The following KLF12 variants were observed in gnomAD, a reference collection of about 807,000 sequenced individuals.
KLF12 encodes Krueppel-like factor 12.
A neutral mutation model predicts 37.8 loss-of-function variants in KLF12; 9 were observed. That is an observed-to-expected ratio of 0.24 (90% CI 0.14 to 0.42). KLF12 has a LOEUF of 0.42. Ranked by LOEUF, KLF12 falls within the 10% of genes least tolerant of loss-of-function variation. The pLI is 1.00. For missense variants in KLF12, 411 were observed against 516.0 expected (o/e 0.80, Z 1.97); for synonymous variants, 208 against 202.1 (o/e 1.03, Z -0.25).
chr13:73,963,571 A>G (rs2139475684), intron 2 of KLF12, among the ~76,000 whole-genome samples: 1 of 152,358 alleles, frequency 6.6e-6, no homozygotes. Flanking sequence ...TGTTTTTGGA[A>G]CATCTGTTTA....
chr13:74,266,682 T>C, the KLF12 span, among the ~76,000 whole-genome samples: 1 of 152,160 alleles, frequency 6.6e-6, no homozygotes, highest in Non-Finnish European at 1.5e-5. Context: ...CGTAGATAGA[T>C]AGATAGCTCT....
chr13:73,716,650 C>A (rs551074850), intron 6 of KLF12, among the ~76,000 whole-genome samples: 1 of 152,204 alleles, frequency 6.6e-6, no homozygotes, highest in East Asian at 1.9e-4. Flanking sequence ...TCTACCTATA[C>A]AAATCTGCAT....
chr13:74,041,268 AT>A (rs1472405561), intron 1 of KLF12, among the ~76,000 whole-genome samples: 1 of 152,048 alleles, frequency 6.6e-6, no homozygotes, highest in African/African-American at 2.4e-5. Flanking sequence ...TCCCCACAAT[AT>A]TTTGCACCAT....
rs1422343863 is a variant in KLF12, at chr13:73,899,329, C to T, written c.123+44652G>A. 2.0e-5 allele frequency among the ~76,000 whole-genome samples: 3 copies of T among 152,182 alleles called. No individual in the cohort carries two copies. The South Asian group carries it at 6.2e-4, about 31-fold the overall frequency. On this transcript the variant is annotated intron_variant, in intron 3 of 7. Transcript: ENST00000377669. ...CATTGCTGCCTTCTCTCCCCATATC[C>T]GTCTGTTTCCACCTAATGGAAGGAG...
At chr13:74,113,495 C>T (rs758568049) in intron 1 of KLF12, among the ~76,000 whole-genome samples, 1 of 152,158 alleles carries the variant, frequency 6.6e-6, no homozygotes, top group Non-Finnish European at 1.5e-5. Context: ...TCTACCCTGC[C>T]TGTGCTTTAT....
intron 2 of KLF12, among the ~76,000 whole-genome samples, chr13:73,963,599 G>A (rs1891088264): frequency 6.6e-6 from 1 of 152,132 alleles, no homozygotes. Context: ...TACCTTTTAA[G>A]TTAAAAAGTT....
chr13:73,782,192 A>C (rs986833297), intron 5 of KLF12, among the ~76,000 whole-genome samples: 1 of 152,172 alleles, frequency 6.6e-6, no homozygotes, highest in African/African-American at 2.4e-5. Flanking sequence ...GAGAAATCTA[A>C]TCTTCTATGC....
At chr13:74,266,672 C>T in the KLF12 span, among the ~76,000 whole-genome samples, 10 of 152,096 alleles carry the variant, frequency 6.6e-5, no homozygotes, top group African/African-American at 9.7e-5. Context: ...TGGATAGATA[C>T]GTAGATAGAT....
At chr13:74,157,675 G>A in the KLF12 span, among the ~76,000 whole-genome samples, 4 of 152,296 alleles carry the variant, frequency 2.6e-5, no homozygotes, top group African/African-American at 9.6e-5. Flanking sequence ...ATGTACCCCA[G>A]ACCAGTCATT....
intron 1 of KLF12, among the ~76,000 whole-genome samples, chr13:74,057,179 A>G (rs1372653007): frequency 6.6e-6 from 1 of 152,198 alleles, no homozygotes; most frequent in Admixed American, 6.5e-5. Context: ...TGTTGCCCTT[A>G]TCTTCATTAT....
At chr13:73,996,477 A>G (rs1470090909) in intron 1 of KLF12, among the ~76,000 whole-genome samples, 1 of 152,230 alleles carries the variant, frequency 6.6e-6, no homozygotes, top group South Asian at 2.1e-4. Flanking sequence ...AACCTGGCTC[A>G]TTATTTTTCA....
At chr13:74,281,476 G>A in the KLF12 span, among the ~76,000 whole-genome samples, 1 of 152,162 alleles carries the variant, frequency 6.6e-6, no homozygotes, top group African/African-American at 2.4e-5. Flanking sequence ...AAGAAAACCA[G>A]TTCTTAGAGA....
At chr13:74,080,470 T>C (rs1353012754) in intron 1 of KLF12, among the ~76,000 whole-genome samples, 1 of 151,572 alleles carries the variant, frequency 6.6e-6, no homozygotes, top group Non-Finnish European at 1.5e-5. Context: ...ACTGTGAATA[T>C]ATAATACTTA....
chr13:74,009,521 CTG>C (rs1425075047), intron 1 of KLF12, among the ~76,000 whole-genome samples: 1 of 152,138 alleles, frequency 6.6e-6, no homozygotes, highest in Non-Finnish European at 1.5e-5. Context: ...AGCTTCTGGT[CTG>C]TGAGCTAGAT....
chr13:73,788,330 A>G (rs545142931), intron 5 of KLF12, among the ~76,000 whole-genome samples: 3 of 152,356 alleles, frequency 2.0e-5, no homozygotes, highest in African/African-American at 7.2e-5. Flanking sequence ...AGTTTGCTCT[A>G]GCTCAAGCCA....
chr13:74,012,777 A>C (rs1892583735), intron 1 of KLF12, among the ~76,000 whole-genome samples: 1 of 152,194 alleles, frequency 6.6e-6, no homozygotes, highest in South Asian at 2.1e-4. Context: ...ATTTTGCAGT[A>C]CTTCAGTTCC....
rs145757228 is a variant in KLF12, at chr13:73,697,717, T to C, written c.1028-2046A>G. On this transcript the variant is annotated intron_variant, in intron 7 of 7. Coordinates refer to ENST00000377669, the MANE Select transcript of KLF12 (RefSeq NM_007249.5). ...TGGTCACCGAGAGCCATTTCTTAGC[T>C]ATTTCCTGTGTTGCTATGGAACCAG... 5.3e-5 allele frequency among the ~76,000 whole-genome samples: 8 copies of C among 152,296 alleles called. No homozygotes were observed. In the East Asian group the frequency reaches 1.3e-3, roughly 26 times the overall value.
the KLF12 span, among the ~76,000 whole-genome samples, chr13:74,242,712 G>C: frequency 1.3e-5 from 2 of 152,180 alleles, no homozygotes; most frequent in East Asian, 3.9e-4. Flanking sequence ...GTAGGTGTAG[G>C]GCTTGAGCAT....
the KLF12 span, among the ~76,000 whole-genome samples, chr13:74,161,474 T>G: frequency 6.6e-6 from 1 of 152,222 alleles, no homozygotes; most frequent in South Asian, 2.1e-4. Flanking sequence ...GTTAGAGTGA[T>G]GCAGCTCCAA....
Sources: gnomAD v4.1 joint callset for allele counts (sites outside exome capture counted in the v4.1 genomes callset) on GRCh38, gnomAD v4.1.1 for gene constraint, MANE v1.5 for transcripts, NCBI Gene and HGNC (gene_info 2026-07-23, HGNC 2026-07-21) for gene names.